JTB: variants seen among roughly 807,000 people sequenced by gnomAD.
JTB encodes jumping translocation breakpoint.
In JTB, 10 loss-of-function variants were observed where a neutral mutation model predicts 22.1. That is an observed-to-expected ratio of 0.45 (90% CI 0.28 to 0.77). JTB has a LOEUF of 0.77. Ranked by LOEUF, JTB falls within the 30% of genes least tolerant of loss-of-function variation. The probability of loss-of-function intolerance (pLI) is 0.13; values close to 1 mark genes in which losing one functional copy is unlikely to be tolerated. For synonymous variants in JTB, 83 were observed against 66.8 expected, an observed-to-expected ratio of 1.24 and a Z score of -1.18; for missense variants, 137 against 180.3, an observed-to-expected ratio of 0.76 and a Z score of 1.38.
chr1:153,974,980 T>G, intron 4 of JTB, 145 bp from the exon 5 acceptor site: 1 of 698,416 alleles, frequency 1.4e-6, no homozygotes, highest in South Asian at 2.8e-5. Context: ...TAAATCCCTC[T>G]CAAATAGATC....
chr1:153,977,404 GATCT>G lies in JTB; in HGVS notation c.-156_-153del, dbSNP rs1258368705. The G allele has an allele frequency of 7.0e-7, 1 of 1,422,428 alleles. No homozygotes were observed. The highest frequency in any genetic ancestry group is 9.1e-7 in the Non-Finnish European group (1 of 1,093,192). 88.1% of individuals were successfully genotyped at this position (1,422,428 alleles called of 1,614,324 possible). A position where few individuals can be genotyped will look rare whatever the true frequency, so the allele number is the denominator to read the frequency against. ...GCCGGAGTTGCCTATTGGAGCAGAG[GATCT>G]ATCAGGACGTCCCCGTTGCCACAGC... On this transcript the variant is annotated 5_prime_UTR_variant, in exon 1 of 5. Transcript: ENST00000271843.
In JTB at chr1:153,974,591, C is replaced by A; in HGVS notation, c.*88G>T. 8.6e-7 allele frequency: 1 copy of A among 1,162,944 alleles called. No individual in the cohort carries two copies. Among genetic ancestry groups the A allele is most frequent in the South Asian group, 1.6e-5 (1 of 61,206 alleles). 72.0% of individuals were successfully genotyped at this position (1,162,944 alleles called of 1,614,324 possible). A position where few individuals can be genotyped will look rare whatever the true frequency, so the allele number is the denominator to read the frequency against. ...AAAAGGGGATTCCACCACAAGGCTC[C>A]AAAGAACCAAGAGTGCAAATCAGTC... On this transcript the variant is annotated 3_prime_UTR_variant, in exon 5 of 5. Coordinates refer to ENST00000271843, the MANE Select transcript of JTB (RefSeq NM_006694.4).
rs773340554 is a variant in JTB, at chr1:153,977,234, T to G, written c.19A>C (p.Arg7=). The G allele has an allele frequency of 6.2e-7, 1 of 1,614,080 alleles. No homozygotes were observed. The highest frequency in any genetic ancestry group is 2.2e-5 in the East Asian group (1 of 44,874). MLAGAG[R]PGLPQGRHLC... ...TGGCGGCCCTGGGGGAGGCCAGGCC[T>G]CCCGGCACCCGCAAGCATGGAGCGC... The change falls in exon 1 of 5, where the codon AGG becomes CGG. Residue 7 remains arginine, a synonymous_variant. Coordinates refer to ENST00000271843, the MANE Select transcript of JTB (RefSeq NM_006694.4).
At chr1:153,975,019 C>G (rs1648737391) in intron 4 of JTB, among the ~76,000 whole-genome samples, 184 bp from the exon 5 acceptor site, 1 of 152,212 alleles carries the variant, frequency 6.6e-6, no homozygotes, top group South Asian at 2.1e-4. Flanking sequence ...ATAAGCAGAG[C>G]TAGTATTAAC....
At position 153,974,606 on chromosome 1, in the gene JTB, G is replaced by T; in HGVS notation, c.*73C>A. The T allele has an allele frequency of 7.5e-7, 1 of 1,339,280 alleles. No individual in the cohort carries two copies. The highest frequency in any genetic ancestry group is 1.0e-6 in the Non-Finnish European group (1 of 955,806). The allele number at this position is 1,339,280 out of a possible 1,614,324, so 83.0% of individuals were successfully genotyped here. On this transcript the variant is annotated 3_prime_UTR_variant, in exon 5 of 5. Transcript: ENST00000271843. Reference sequence around the variant, plus strand: ...CACAAGGCTCCAAAGAACCAAGAGTGCAAATCAGTCCATTTCACTTTCACT... The same window carrying T: ...CACAAGGCTCCAAAGAACCAAGAGTTCAAATCAGTCCATTTCACTTTCACT...
intron 4 of JTB, 93 bp from the exon 5 acceptor site, chr1:153,974,928 A>C: frequency 2.3e-6 from 3 of 1,298,238 alleles, no homozygotes; most frequent in East Asian, 2.4e-5. Context: ...GGATACACTC[A>C]AGAGGAAATC....
In JTB at chr1:153,975,871, A is replaced by G. The variant is rs1419411421; in HGVS notation, c.239T>C (p.Val80Ala). Residue 80 changes from valine to alanine, a missense_variant, in exon 4 of 5, where the codon GTA becomes GCA. Physicochemically the swap from Val to Ala is moderately conservative, Grantham distance 64. Coordinates refer to ENST00000271843, the MANE Select transcript of JTB (RefSeq NM_006694.4). ...TTPECGPTGY[V>A]EKITCSSSKR... ...AGATGAGCTGCATGTGATTTTCTCT[A>G]CATATCCTGTGGGACCACACTCAGG... The G allele has an allele frequency of 2.5e-6, 4 of 1,614,034 alleles. No homozygotes were observed. Among genetic ancestry groups the G allele is most frequent in the South Asian group, 1.1e-5 (1 of 91,090 alleles).
Position 153,977,590 on chromosome 1 carries a change from T to C in JTB, c.-338A>G, listed in dbSNP as rs1473765578. The C allele has an allele frequency of 9.7e-7, 1 of 1,034,354 alleles. No homozygotes were observed. Among genetic ancestry groups the C allele is most frequent in the African/African-American group, 1.7e-5 (1 of 57,502 alleles). 64.1% of individuals were successfully genotyped at this position (1,034,354 alleles called of 1,614,324 possible). ...AGCCATCTAGCCCCGTGGAGGATCC[T>C]CGGGCGCGGGACCGAGCTCGGGGCC... On this transcript the variant is annotated 5_prime_UTR_variant, in exon 1 of 5. Coordinates refer to ENST00000271843, the MANE Select transcript of JTB (RefSeq NM_006694.4).
At position 153,977,018 on chromosome 1, in the gene JTB, A is replaced by C; in HGVS notation, c.84-5T>G. The C allele has an allele frequency of 6.2e-7, 1 of 1,614,142 alleles. No individual in the cohort carries two copies. The highest frequency in any genetic ancestry group is 2.2e-5 in the East Asian group (1 of 44,874). On this transcript the variant is annotated splice_polypyrimidine_tract_variant and splice_region_variant and intron_variant, in intron 1 of 4. Coordinates refer to ENST00000271843, the MANE Select transcript of JTB (RefSeq NM_006694.4). ...TGCACGGGAGCCTCTGCTTGGCTGT[A>C]GCGGAGTTGGGGGAAGGGACAAAAG...
chr1:153,974,294 T>C lies in JTB; in HGVS notation c.*385A>G, dbSNP rs1648697316. On this transcript the variant is annotated 3_prime_UTR_variant, in exon 5 of 5. Transcript: ENST00000271843. The stretch of plus-strand genomic sequence containing the variant: ...TTCTGTTATGTATCTGTGATTTTAT[T>C]TCTTCTTTGGGTATAGGGTTGAGGG... 2.0e-6 allele frequency: 1 copy of C among 500,178 alleles called. No individual in the cohort carries two copies. The highest frequency in any genetic ancestry group is 3.5e-6 in the Non-Finnish European group (1 of 282,314). 31.0% of individuals were successfully genotyped at this position (500,178 alleles called of 1,614,324 possible).
chr1:153,976,185 C>T (rs764927070), intron 3 of JTB, among the ~76,000 whole-genome samples: 2 of 152,128 alleles, frequency 1.3e-5, no homozygotes, highest in Admixed American at 6.6e-5. Flanking sequence ...TATTTGAGGC[C>T]GGGTGTGGCG....
intron 4 of JTB, 52 bp downstream of exon 4, chr1:153,975,774 T>A (rs945382686): frequency 1.4e-5 from 20 of 1,435,880 alleles, no homozygotes; most frequent in Non-Finnish European, 1.8e-5. Context: ...ACCATCCATC[T>A]AAAGTCATAG....
chr1:153,977,353 A>T lies in JTB; in HGVS notation c.-101T>A. 1 of 1,530,896 alleles carries T rather than the reference A, an allele frequency of 6.5e-7. No homozygotes were observed. The highest frequency in any genetic ancestry group is 8.7e-7 in the Non-Finnish European group (1 of 1,143,562). The allele number at this position is 1,530,896 out of a possible 1,614,324, so 94.8% of individuals were successfully genotyped here. ...GCGGCACTTACTCTGCAGCCCTCCC[A>T]GAGGTTCCAGGTCAGGGCAGGGAAG... On this transcript the variant is annotated 5_prime_UTR_variant, in exon 1 of 5. Coordinates refer to ENST00000271843, the MANE Select transcript of JTB (RefSeq NM_006694.4).
chr1:153,975,882 G>A lies in JTB; in HGVS notation c.228C>T (p.Pro76=). The change falls in exon 4 of 5, where the codon CCC becomes CCT. Residue 76 remains proline, a synonymous_variant. Transcript: ENST00000271843. ...ATGTGATTTTCTCTACATATCCTGT[G>A]GGACCACACTCAGGGGTAGTTTTCT... ...FRAKTTPECG[P]TGYVEKITCS... 1 of 1,614,000 alleles carries A rather than the reference G, an allele frequency of 6.2e-7. No homozygotes were observed. Among genetic ancestry groups the A allele is most frequent in the Non-Finnish European group, 8.5e-7 (1 of 1,179,876 alleles).
In JTB at chr1:153,974,586, G is replaced by A. The variant is rs978914477; in HGVS notation, c.*93C>T. On this transcript the variant is annotated 3_prime_UTR_variant, in exon 5 of 5. Transcript: ENST00000271843. The stretch of plus-strand genomic sequence containing the variant: ...TGGGGAAAAGGGGATTCCACCACAA[G>A]GCTCCAAAGAACCAAGAGTGCAAAT... 3 of 1,052,322 alleles carry A rather than the reference G, an allele frequency of 2.9e-6. No individual in the cohort carries two copies. The highest frequency in any genetic ancestry group is 2.8e-6 in the Non-Finnish European group (2 of 719,052). 65.2% of individuals were successfully genotyped at this position (1,052,322 alleles called of 1,614,324 possible).
rs1043768 is a variant in JTB at position 153,974,556 on chromosome 1, G to A, written c.*123C>T. ...TCTGCTCATTAATGATCTGAAAGAAGAAGATGGGGAAAAGGGGATTCCACC... is the reference window on the plus strand; with the variant it reads ...TCTGCTCATTAATGATCTGAAAGAAAAAGATGGGGAAAAGGGGATTCCACC... On this transcript the variant is annotated 3_prime_UTR_variant, in exon 5 of 5. Coordinates refer to ENST00000271843, the MANE Select transcript of JTB (RefSeq NM_006694.4). The A allele has an allele frequency of 1.3e-6, 1 of 764,524 alleles. No homozygotes were observed. The highest frequency in any genetic ancestry group is 2.5e-5 in the East Asian group (1 of 40,208). The allele number at this position is 764,524 out of a possible 1,614,324, so 47.4% of individuals were successfully genotyped here. A position where few individuals can be genotyped will look rare whatever the true frequency, so the allele number is the denominator to read the frequency against.
In JTB at chr1:153,976,678, G is replaced by A. The variant is rs764029070; in HGVS notation, c.204+15C>T. On this transcript the variant is annotated intron_variant, in intron 3 of 4. Coordinates refer to ENST00000271843, the MANE Select transcript of JTB (RefSeq NM_006694.4). ...GATGTTTAAAAAAAAAAAGGGTAGA[G>A]AAATAGATACTCACAGCCCGGAAAT... is the stretch of plus-strand genomic sequence containing the variant. 6.3e-7 allele frequency: 1 copy of A among 1,592,686 alleles called. No individual in the cohort carries two copies. The highest frequency in any genetic ancestry group is 1.7e-5 in the Admixed American group (1 of 59,346).
At position 153,977,660 on chromosome 1, in the gene JTB, G is replaced by C. The variant is rs1291418545; in HGVS notation, c.-408C>G. ...CGGTCGTCGCCCGCTGGGGCTTATA[G>C]TCTTCCGCGTCGGTGGCGCCTCGCC... On this transcript the variant is annotated 5_prime_UTR_variant, in exon 1 of 5. Transcript: ENST00000271843. 1 of 993,076 alleles carries C rather than the reference G, an allele frequency of 1.0e-6. No homozygotes were observed. The highest frequency in any genetic ancestry group is 1.1e-4 in the East Asian group (1 of 9,210). 61.5% of individuals were successfully genotyped at this position (993,076 alleles called of 1,614,324 possible). A position where few individuals can be genotyped will look rare whatever the true frequency, so the allele number is the denominator to read the frequency against.
rs77672994 is a variant in JTB, at chr1:153,977,640, G to C, written c.-388C>G. 1 of 1,005,298 alleles carries C rather than the reference G, an allele frequency of 9.9e-7. No individual in the cohort carries two copies. The highest frequency in any genetic ancestry group is 1.2e-6 in the Non-Finnish European group (1 of 842,490). The allele number at this position is 1,005,298 out of a possible 1,614,324, so 62.3% of individuals were successfully genotyped here. A position where few individuals can be genotyped will look rare whatever the true frequency, so the allele number is the denominator to read the frequency against. On this transcript the variant is annotated 5_prime_UTR_variant, in exon 1 of 5. Coordinates refer to ENST00000271843, the MANE Select transcript of JTB (RefSeq NM_006694.4). ...CCGGTGTTCCCGGGGGCGTTCGGTC[G>C]TCGCCCGCTGGGGCTTATAGTCTTC...
Sources: gnomAD v4.1 joint callset for allele counts (sites outside exome capture counted in the v4.1 genomes callset) on GRCh38, gnomAD v4.1.1 for gene constraint, MANE v1.5 for transcripts, NCBI Gene and HGNC (gene_info 2026-07-23, HGNC 2026-07-21) for gene names.